Variants in IRF9 observed in about 807,000 individuals in gnomAD.
The protein encoded by IRF9 is interferon regulatory factor 9.
A neutral mutation model predicts 44.1 loss-of-function variants in IRF9; 13 were observed. The ratio of observed to expected loss-of-function variants is 0.29; its 90% CI spans 0.19 to 0.47. The LOEUF is 0.47. Among genes scored for constraint, IRF9 ranks in the 20% least tolerant of loss-of-function variants. The pLI is 1.00. For synonymous variants in IRF9, 189 were observed against 188.5 expected, an observed-to-expected ratio of 1.00 and a Z score of -0.02; for missense variants, 373 against 496.1, an observed-to-expected ratio of 0.75 and a Z score of 2.36.
chr14:24,161,540 G>A (rs752249774), intron 1 of IRF9, among the ~76,000 whole-genome samples: 11 of 152,232 alleles, frequency 7.2e-5, no homozygotes, highest in Non-Finnish European at 1.6e-4. Context: ...AAGGTCAGGA[G>A]GACCTACTGC....
At chr14:24,161,436 G>A (rs1712056787) in intron 1 of IRF9, 98 bp downstream of exon 1, 1 of 152,562 alleles carries the variant, frequency 6.6e-6, no homozygotes, top group Non-Finnish European at 1.5e-5. Flanking sequence ...CTGTTAGACT[G>A]AGGGATAGAC....
At position 24,163,148 on chromosome 14, in the gene IRF9, T is replaced by C. The variant is rs762522232; in HGVS notation, c.363T>C (p.Ser121=). The change falls in exon 3 of 9, where the codon TCT becomes TCC. Residue 121 remains serine (S), a splice_region_variant and synonymous_variant. Transcript: ENST00000396864. ...AGTTGCTGCCACCAGGAATCGTCTC[T>C]GGTGAGTTTCCCCTTGTCCAACCAC... ...VYQLLPPGIV[S]GQPGTQKVPS... is the part of the protein sequence containing the mutation. 7.4e-6 allele frequency: 12 copies of C among 1,613,676 alleles called. No homozygotes were observed. The East Asian group carries it at 2.7e-4, about 36-fold the overall frequency.
intron 4 of IRF9, 78 bp downstream of exon 4, chr14:24,163,586 C>A: frequency 6.5e-7 from 1 of 1,530,768 alleles, no homozygotes; most frequent in Non-Finnish European, 8.9e-7. Context: ...ATGAAAGACA[C>A]TGTGTCTTGG....
At position 24,166,408 on chromosome 14, in the gene IRF9, G is replaced by A. The variant is rs55789992; in HGVS notation, c.*212G>A. ...TTTTTTTTTTAATTTTGAGATATACGCCCTCTTTCATCTGTAAGGGACTAG... is the reference window on the plus strand; with the variant it reads ...TTTTTTTTTTAATTTTGAGATATACACCCTCTTTCATCTGTAAGGGACTAG... On this transcript the variant is annotated 3_prime_UTR_variant, in exon 9 of 9. Coordinates refer to ENST00000396864, the MANE Select transcript of IRF9 (RefSeq NM_006084.5). 105 of 593,950 alleles carry A rather than the reference G, an allele frequency of 1.8e-4. No individual in the cohort carries two copies. Among genetic ancestry groups the A allele is most frequent in the East Asian group, 1.6e-3 (56 of 35,802 alleles). 36.8% of individuals were successfully genotyped at this position (593,950 alleles called of 1,614,324 possible). A position where few individuals can be genotyped will look rare whatever the true frequency, so the allele number is the denominator to read the frequency against.
chr14:24,162,038 A>C, intron 1 of IRF9, 106 bp from the exon 2 acceptor site: 5 of 1,025,748 alleles, frequency 4.9e-6, no homozygotes, highest in Non-Finnish European at 7.3e-6. Flanking sequence ...GATGGATGGG[A>C]TCTCTGGGAC....
chr14:24,163,603 G>A lies in IRF9; in HGVS notation c.495+95G>A, dbSNP rs567030579. 3.5e-5 allele frequency: 50 copies of A among 1,414,774 alleles called. No homozygotes were observed. In the South Asian group the frequency reaches 4.4e-4, roughly 13 times the overall value. The allele number at this position is 1,414,774 out of a possible 1,614,324, so 87.6% of individuals were successfully genotyped here. A position where few individuals can be genotyped will look rare whatever the true frequency, so the allele number is the denominator to read the frequency against. On this transcript the variant is annotated intron_variant, in intron 4 of 8. Transcript: ENST00000396864. ...GAAAGACACTGTGTCTTGGGAGGCC[G>A]AGGCTGGCAGATCACGTGAGGTCAG...
Position 24,165,977 on chromosome 14 carries a change from G to A in IRF9, c.1107+15G>A. 1.2e-6 allele frequency: 2 copies of A among 1,606,730 alleles called. No individual in the cohort carries two copies. The highest frequency in any genetic ancestry group is 8.5e-7 in the Non-Finnish European group (1 of 1,173,568). ...TCACAGTGAAGGTGAGCTCGGAGCA[G>A]GGGTAGAGTACCCATCTAATGAGAG... On this transcript the variant is annotated intron_variant, in intron 8 of 8. Coordinates refer to ENST00000396864, the MANE Select transcript of IRF9 (RefSeq NM_006084.5).
intron 1 of IRF9, 110 bp from the exon 2 acceptor site, chr14:24,162,034 T>C (rs750802162): frequency 1.2e-5 from 12 of 976,862 alleles, no homozygotes; most frequent in African/African-American, 4.9e-5. Flanking sequence ...AGAAGATGGA[T>C]GGGATCTCTG....
At chr14:24,165,706 A>G (rs983077353) in intron 7 of IRF9, 141 bp from the exon 8 acceptor site, 11 of 613,812 alleles carry the variant, frequency 1.8e-5, no homozygotes, top group Non-Finnish European at 3.2e-5. Context: ...ACTTAGTTCC[A>G]AGTACTTCTG....
In IRF9 at chr14:24,163,893, A is replaced by G. The variant is rs777662554; in HGVS notation, c.511A>G (p.Ser171Gly). The stretch of plus-strand genomic sequence containing the variant: ...GTGTCCGCAGGAGGAGGAGGGGGCC[A>G]GTGGGGGAGCAGTCCATTCAGACAT... Reference protein sequence around the residue: ...DSLNNEEEGASGGAVHSDIGS... With the variant: ...DSLNNEEEGAGGGAVHSDIGS... Residue 171 changes from serine (S) to glycine (G), a missense_variant, in exon 5 of 9, where the codon AGT becomes GGT. Physicochemically the swap from Ser to Gly is moderately conservative, Grantham distance 56. Around this residue, in one of 2 missense-constraint regions of IRF9, gnomAD observed 227 missense variants for 255.3 expected, o/e 0.89. Transcript: ENST00000396864. The G allele has an allele frequency of 1.0e-5, 16 of 1,594,014 alleles. No individual in the cohort carries two copies. Among genetic ancestry groups the G allele is most frequent in the African/African-American group, 5.5e-5 (4 of 73,066 alleles).
At chr14:24,165,801 T>C (rs766076793) in intron 7 of IRF9, 46 bp from the exon 8 acceptor site, 3 of 1,389,632 alleles carry the variant, frequency 2.2e-6, no homozygotes, top group Non-Finnish European at 2.0e-6. Context: ...CCTGTGGCCC[T>C]CTCTCTTCTT....
Position 24,163,525 on chromosome 14 carries a change from G to A in IRF9, c.495+17G>A. On this transcript the variant is annotated intron_variant, in intron 4 of 8. Transcript: ENST00000396864. The stretch of plus-strand genomic sequence containing the variant: ...CTCAATAATGTAAGAGATGGAGAGG[G>A]AACTGGGTGGGCCTAAGGGCAGGAC... 1.2e-6 allele frequency: 2 copies of A among 1,612,642 alleles called. No individual in the cohort carries two copies. The highest frequency in any genetic ancestry group is 2.2e-5 in the East Asian group (1 of 44,878).
At chr14:24,165,716 G>T in intron 7 of IRF9, 131 bp from the exon 8 acceptor site, 1 of 626,640 alleles carries the variant, frequency 1.6e-6, no homozygotes. Flanking sequence ...AAGTACTTCT[G>T]ACCTTGCAGC....
chr14:24,166,263 C>T lies in IRF9; in HGVS notation c.*67C>T, dbSNP rs1267011207. The T allele has an allele frequency of 1.5e-6, 2 of 1,326,242 alleles. No individual in the cohort carries two copies. Among genetic ancestry groups the T allele is most frequent in the African/African-American group, 1.4e-5 (1 of 69,448 alleles). The allele number at this position is 1,326,242 out of a possible 1,614,324, so 82.2% of individuals were successfully genotyped here. ...CTGTCTCCTTTGAAGTAGACTCATT[C>T]TTCACACGATTGACCTGTCCTCTTT... On this transcript the variant is annotated 3_prime_UTR_variant, in exon 9 of 9. Transcript: ENST00000396864.
intron 4 of IRF9, 64 bp from the exon 5 acceptor site, chr14:24,163,814 G>T: frequency 2.0e-6 from 3 of 1,500,238 alleles, no homozygotes; most frequent in African/African-American, 2.8e-5. Context: ...TCCAGCCTGG[G>T]CAACAAGAGT....
chr14:24,165,616 G>A (rs12436555), intron 7 of IRF9: 91,973 of 560,466 alleles, frequency 0.16, 8,844 homozygotes, highest in Admixed American at 0.32. Flanking sequence ...AGAGCTTGTC[G>A]GGCTGTGCTG....
rs746378882 is a variant in IRF9 at position 24,163,922 on chromosome 14, G to GAGCAGCAGC, written c.553_561dup (p.Ser185_Ser187dup). On this transcript the variant is annotated inframe_insertion, in exon 5 of 9. Coordinates refer to ENST00000396864, the MANE Select transcript of IRF9 (RefSeq NM_006084.5). ...GGGGAGCAGTCCATTCAGACATTGG[G>GAGCAGCAGC]AGCAGCAGCAGCAGCAGCAGCCCTG... 5.6e-6 allele frequency: 9 copies of GAGCAGCAGC among 1,604,396 alleles called. No individual in the cohort carries two copies. The East Asian group carries it at 1.1e-4, about 20-fold the overall frequency.
rs1165960165 is a variant in IRF9, at chr14:24,166,089, C to T, written c.1108-33C>T. On this transcript the variant is annotated intron_variant, in intron 8 of 8. Transcript: ENST00000396864. ...GTGGTGTCTGTCCCTGATGCACGCA[C>T]TGAGATGCTCTTCTCCATCTCTTCC... The T allele has an allele frequency of 5.0e-6, 8 of 1,605,032 alleles. No homozygotes were observed. In the South Asian group the frequency reaches 8.8e-5, roughly 18 times the overall value.
intron 1 of IRF9, 43 bp from the exon 2 acceptor site, chr14:24,162,101 C>T: frequency 1.3e-6 from 2 of 1,585,954 alleles, no homozygotes; most frequent in East Asian, 2.2e-5. Context: ...TGTTCCCTCC[C>T]AAAGTGTCAG....
Sources: gnomAD v4.1 joint callset for allele counts (sites outside exome capture counted in the v4.1 genomes callset) on GRCh38, gnomAD v4.1.1 for gene constraint, gnomAD v4.1.1 regional missense constraint, MANE v1.5 for transcripts, NCBI Gene and HGNC (gene_info 2026-07-23, HGNC 2026-07-21) for gene names.